The following MAPK4 variants were observed in gnomAD, a reference collection of about 807,000 sequenced individuals.
MAPK4 encodes Erk3-related.
Under a neutral mutation model 47.7 loss-of-function variants are expected in MAPK4, and 22 were observed. The ratio of observed to expected loss-of-function variants is 0.46; its 90% CI spans 0.33 to 0.66. The LOEUF is 0.66. Ranked by LOEUF, MAPK4 falls within the 30% of genes least tolerant of loss-of-function variation. The pLI is 0.02. For synonymous variants in MAPK4, 390 were observed against 365.7 expected (o/e 1.07, Z -0.76); for missense variants, 736 against 831.7 (o/e 0.88, Z 1.42).
At chr18:50,654,586 C>G (rs7235791) in intron 1 of MAPK4, among the ~76,000 whole-genome samples, 101,829 of 152,224 alleles carry the variant, frequency 0.67, 35,255 homozygotes, top group East Asian at 0.76. Flanking sequence ...GAGAAGTTTC[C>G]CCTTGAATCT....
intron 1 of MAPK4, among the ~76,000 whole-genome samples, chr18:50,601,482 T>TA (rs2042540908): frequency 6.6e-6 from 1 of 152,132 alleles, no homozygotes; most frequent in South Asian, 2.1e-4. Context: ...TACCCAGAGT[T>TA]ATTTTGTCTC....
intron 1 of MAPK4, among the ~76,000 whole-genome samples, chr18:50,593,111 A>G (rs1373136347): frequency 6.6e-6 from 1 of 152,234 alleles, no homozygotes; most frequent in Non-Finnish European, 1.5e-5. Flanking sequence ...GGACTGGAAC[A>G]CAGGCAACCA....
chr18:50,727,460 G>T (rs904638977), intron 5 of MAPK4, among the ~76,000 whole-genome samples: 13 of 152,206 alleles, frequency 8.5e-5, no homozygotes, highest in African/African-American at 2.7e-4. Flanking sequence ...CTGGCTTGTT[G>T]TTGTCAATTG....
In MAPK4 at chr18:50,567,285, T is replaced by C. The variant is rs138297136; in HGVS notation, c.-871+7042T>C. Among the ~76,000 whole-genome samples, 270 of 152,314 alleles carry C rather than the reference T, an allele frequency of 1.8e-3. 1 individual carries two copies. Among genetic ancestry groups the C allele is most frequent in the Non-Finnish European group, 2.9e-3 (197 of 68,026 alleles). On this transcript the variant is annotated intron_variant, in intron 1 of 5. Coordinates refer to ENST00000400384, the MANE Select transcript of MAPK4 (RefSeq NM_002747.4). ...CCCTGGTGTGTGATGTTCCCCTCCC[T>C]GTGTCCTTGTGTTCTCATTGTTGTG...
intron 1 of MAPK4, among the ~76,000 whole-genome samples, chr18:50,630,863 G>A (rs763240455): frequency 2.6e-5 from 4 of 152,170 alleles, no homozygotes; most frequent in Non-Finnish European, 5.9e-5. Context: ...AGCCTCACCT[G>A]TCTTTGCAAC....
At chr18:50,644,566 G>A (rs966767162) in intron 1 of MAPK4, among the ~76,000 whole-genome samples, 1 of 152,076 alleles carries the variant, frequency 6.6e-6, no homozygotes, top group African/African-American at 2.4e-5. Flanking sequence ...CCTGGAAATG[G>A]CCTCTGCAAT....
intron 1 of MAPK4, among the ~76,000 whole-genome samples, chr18:50,655,751 G>A (rs1449124915): frequency 6.6e-6 from 1 of 152,160 alleles, no homozygotes; most frequent in Non-Finnish European, 1.5e-5. Flanking sequence ...TTGGGGGCCT[G>A]TGTGGCCTCC....
chr18:50,602,289 C>T (rs371741691), intron 1 of MAPK4, among the ~76,000 whole-genome samples: 15 of 152,298 alleles, frequency 9.8e-5, no homozygotes, highest in African/African-American at 3.1e-4. Flanking sequence ...GCTTCCCCTT[C>T]GCCTCCTCAC....
chr18:50,676,914 T>C (rs187138317), intron 2 of MAPK4, among the ~76,000 whole-genome samples: 62 of 152,268 alleles, frequency 4.1e-4, no homozygotes, highest in Non-Finnish European at 7.5e-4. Flanking sequence ...TAGACTTGAG[T>C]AAGGGTCCCC....
intron 1 of MAPK4, among the ~76,000 whole-genome samples, chr18:50,639,865 T>C (rs998664878): frequency 2.0e-5 from 3 of 152,338 alleles, no homozygotes; most frequent in African/African-American, 7.2e-5. Flanking sequence ...GGGACAGGCA[T>C]CTATCTTGAG....
At chr18:50,676,027 T>C (rs567525582) in intron 2 of MAPK4, among the ~76,000 whole-genome samples, 33 of 152,362 alleles carry the variant, frequency 2.2e-4, no homozygotes, top group Non-Finnish European at 4.6e-4. Flanking sequence ...ATGTTGCCCA[T>C]GGTCTTTCGG....
At chr18:50,682,088 G>T (rs909897158) in intron 2 of MAPK4, among the ~76,000 whole-genome samples, 1 of 152,182 alleles carries the variant, frequency 6.6e-6, no homozygotes, top group African/African-American at 2.4e-5. Context: ...AATGGGGCAT[G>T]ACTGCTAATG....
intron 2 of MAPK4, among the ~76,000 whole-genome samples, chr18:50,685,706 A>G (rs995264027): frequency 1.6e-4 from 25 of 152,182 alleles, no homozygotes; most frequent in Non-Finnish European, 1.5e-4. Context: ...TCACACCAGA[A>G]TGACCTGCAT....
At chr18:50,617,390 GCACTTTATTTCCTTCTTAC>G (rs2042693915) in intron 1 of MAPK4, among the ~76,000 whole-genome samples, 1 of 152,142 alleles carries the variant, frequency 6.6e-6, no homozygotes, top group Non-Finnish European at 1.5e-5. Flanking sequence ...AAAGTTTACA[GCACTTTATTTCCTTCTTAC>G]CAGGAAGGAA....
At chr18:50,712,668 T>C (rs981717407) in intron 2 of MAPK4, among the ~76,000 whole-genome samples, 5 of 152,132 alleles carry the variant, frequency 3.3e-5, no homozygotes, top group African/African-American at 1.2e-4. Flanking sequence ...TCAGAGCAAG[T>C]GTTTCAGAAG....
intron 2 of MAPK4, among the ~76,000 whole-genome samples, chr18:50,686,694 G>C (rs1471695827): frequency 6.6e-6 from 1 of 152,224 alleles, no homozygotes; most frequent in Non-Finnish European, 1.5e-5. Context: ...TGTGAAGTAA[G>C]ACTGTCCTGA....
Position 50,722,094 on chromosome 18 carries a change from G to C in MAPK4, c.848G>C (p.Ser283Thr). ...CGCAAGCTGCTCCCTGAAGTGAACA[G>C]TGAAGGTACCTGAGCCTGGCAGCCA... is the stretch of plus-strand genomic sequence containing the variant. ...PLRKLLPEVN[S>T]EAIDFLEKIL... The change falls in exon 4 of 6, where the codon AGT (serine) becomes ACT (threonine). Residue 283 changes from serine (S) to threonine (T), a missense_variant. This residue lies in a region of MAPK4 where 327 missense variants were observed against 395.4 expected (regional missense o/e 0.83). Coordinates refer to ENST00000400384, the MANE Select transcript of MAPK4 (RefSeq NM_002747.4). 1 of 1,610,624 alleles carries C rather than the reference G, an allele frequency of 6.2e-7. No individual in the cohort carries two copies. The highest frequency in any genetic ancestry group is 1.1e-5 in the South Asian group (1 of 90,560).
At chr18:50,615,203 G>GA (rs1446932930) in intron 1 of MAPK4, among the ~76,000 whole-genome samples, 18 of 152,040 alleles carry the variant, frequency 1.2e-4, no homozygotes, top group African/African-American at 3.6e-4. Context: ...AATTGTGTTG[G>GA]GGGGGGAGAT....
chr18:50,597,974 A>C (rs1025960619), intron 1 of MAPK4, among the ~76,000 whole-genome samples: 1 of 152,186 alleles, frequency 6.6e-6, no homozygotes, highest in East Asian at 1.9e-4. Flanking sequence ...AGCTGGGGGG[A>C]AAAACAAGTA....
Sources: allele counts gnomAD v4.1 joint callset (sites outside exome capture counted in the v4.1 genomes callset), GRCh38; gene constraint gnomAD v4.1.1; regional missense constraint gnomAD v4.1.1; transcripts MANE v1.5; gene names NCBI Gene and HGNC (gene_info 2026-07-23, HGNC 2026-07-21).